The following KCNN2 variants were observed in gnomAD, a reference collection of about 807,000 sequenced individuals.
KCNN2 encodes potassium calcium-activated channel subfamily N member 2.
A neutral mutation model predicts 55.5 loss-of-function variants in KCNN2; 24 were observed. The observed-to-expected ratio is 0.43, with a 90% confidence interval of 0.31 to 0.61. The LOEUF (loss-of-function observed/expected upper bound fraction) is 0.61, where lower values mean the gene tolerates loss of function less well. Among genes scored for constraint, KCNN2 ranks in the 20% least tolerant of loss-of-function variants. KCNN2 has a pLI of 0.08. For missense variants in KCNN2, 754 were observed against 853.6 expected (o/e 0.88, Z 1.45); for synonymous variants, 431 against 336.1 (o/e 1.28, Z -3.09).
chr5:114,204,151 A>T (rs904608165), intron 1 of KCNN2, among the ~76,000 whole-genome samples: 1 of 152,118 alleles, frequency 6.6e-6, no homozygotes, highest in African/African-American at 2.4e-5. Flanking sequence ...GAACTAGAAA[A>T]AATAAAAGTG....
intron 1 of KCNN2, among the ~76,000 whole-genome samples, chr5:114,126,412 A>G (rs1187626577): frequency 6.6e-6 from 1 of 152,112 alleles, no homozygotes; most frequent in Admixed American, 6.5e-5. Context: ...ATATGGCAGC[A>G]GCAAGCAGAA....
intron 1 of KCNN2, among the ~76,000 whole-genome samples, chr5:114,182,038 A>G (rs1232132152): frequency 2.0e-5 from 3 of 152,064 alleles, no homozygotes; most frequent in African/African-American, 4.8e-5. Context: ...ATTTTTGTGT[A>G]TGTAAGGTGT....
chr5:114,340,362 G>T (rs999043780), intron 2 of KCNN2, among the ~76,000 whole-genome samples: 2 of 152,004 alleles, frequency 1.3e-5, no homozygotes, highest in African/African-American at 4.8e-5. Flanking sequence ...CACTGATTAT[G>T]TGCCAAATGG....
intron 2 of KCNN2, among the ~76,000 whole-genome samples, chr5:114,258,874 C>A (rs1755040476): frequency 6.6e-6 from 1 of 152,198 alleles, no homozygotes; most frequent in African/African-American, 2.4e-5. Context: ...ACTGCAAGAA[C>A]ACTGATGCTC....
intron 5 of KCNN2, among the ~76,000 whole-genome samples, chr5:114,484,358 A>G (rs1436477906): frequency 2.0e-5 from 3 of 152,154 alleles, no homozygotes; most frequent in East Asian, 1.9e-4. Flanking sequence ...AAATTACTTA[A>G]CGGGTACAAT....
intron 1 of KCNN2, among the ~76,000 whole-genome samples, chr5:114,061,955 C>G (rs1240595324): frequency 6.6e-6 from 1 of 152,094 alleles, no homozygotes; most frequent in African/African-American, 2.4e-5. Flanking sequence ...ACTTTATCCT[C>G]CTTAAAAACT....
chr5:114,477,678 T>TATTA (rs1444870177), intron 5 of KCNN2, among the ~76,000 whole-genome samples: 2 of 152,204 alleles, frequency 1.3e-5, no homozygotes, highest in East Asian at 3.8e-4. Context: ...GGAAATATAT[T>TATTA]ATTATTACTG....
chr5:114,142,069 C>T (rs1035337404), intron 1 of KCNN2, among the ~76,000 whole-genome samples: 6 of 152,092 alleles, frequency 3.9e-5, no homozygotes, highest in African/African-American at 1.4e-4. Flanking sequence ...AAATTTCTCC[C>T]ATTCTGTATG....
intron 4 of KCNN2, among the ~76,000 whole-genome samples, chr5:114,464,499 CTGAG>C: frequency 6.6e-6 from 1 of 152,278 alleles, no homozygotes; most frequent in South Asian, 2.1e-4. Context: ...TTGAGGGCCT[CTGAG>C]TGGTGGCCAG....
intron 2 of KCNN2, among the ~76,000 whole-genome samples, chr5:114,368,211 G>A (rs1027538230): frequency 3.3e-5 from 5 of 152,142 alleles, no homozygotes; most frequent in African/African-American, 9.7e-5. Flanking sequence ...ATGGATTTTG[G>A]TGTCTGTGGG....
intron 2 of KCNN2, among the ~76,000 whole-genome samples, chr5:114,403,502 G>A (rs1461185880): frequency 6.6e-6 from 1 of 152,170 alleles, no homozygotes; most frequent in Non-Finnish European, 1.5e-5. Flanking sequence ...AGCATGGCTG[G>A]CATCCCTGGC....
At chr5:114,177,829 G>A (rs1753166552) in intron 1 of KCNN2, among the ~76,000 whole-genome samples, 1 of 152,076 alleles carries the variant, frequency 6.6e-6, no homozygotes, top group South Asian at 2.1e-4. Context: ...TTAAGGAAAA[G>A]AGGAAAGACA....
At chr5:114,246,018 T>C (rs1754742856) in intron 2 of KCNN2, among the ~76,000 whole-genome samples, 1 of 152,102 alleles carries the variant, frequency 6.6e-6, no homozygotes, top group Non-Finnish European at 1.5e-5. Context: ...AGGATAGAAG[T>C]TTTTTCTTGG....
intron 1 of KCNN2, among the ~76,000 whole-genome samples, chr5:114,076,839 A>T (rs762179524): frequency 5.3e-5 from 8 of 151,992 alleles, no homozygotes; most frequent in Non-Finnish European, 8.8e-5. Context: ...GAGTGCAGGC[A>T]CGTGCCAACA....
At chr5:114,119,420 C>G (rs1384428828) in intron 1 of KCNN2, among the ~76,000 whole-genome samples, 1 of 152,116 alleles carries the variant, frequency 6.6e-6, no homozygotes, top group Non-Finnish European at 1.5e-5. Flanking sequence ...TGCTTTAATT[C>G]TTTTTCAAAT....
chr5:114,236,805 C>CAT lies in KCNN2; in HGVS notation c.-185+15248_-185+15249dup, dbSNP rs1006926947. On this transcript the variant is annotated intron_variant, in intron 2 of 10. Transcript: ENST00000512097. The stretch of plus-strand genomic sequence containing the variant: ...TATATTACCTGTGTACATGTACACA[C>CAT]ATATATATACACATACTTGCTTTAT... Among the ~76,000 whole-genome samples the CAT allele has an allele frequency of 7.2e-5, 11 of 151,980 alleles. No individual in the cohort carries two copies. The South Asian group carries it at 8.3e-4, about 11-fold the overall frequency.
intron 1 of KCNN2, among the ~76,000 whole-genome samples, chr5:114,176,930 C>T (rs1472929371): frequency 6.6e-6 from 1 of 151,946 alleles, no homozygotes; most frequent in Non-Finnish European, 1.5e-5. Flanking sequence ...CAGTGTGCAA[C>T]CTCTTCTTTA....
intron 1 of KCNN2, among the ~76,000 whole-genome samples, chr5:114,218,442 G>T (rs1465497491): frequency 6.6e-6 from 1 of 152,298 alleles, no homozygotes; most frequent in Middle Eastern, 3.4e-3. Flanking sequence ...ATGAAAGGAG[G>T]TGGAGAAAAC....
chr5:114,310,133 C>T (rs1218406376), intron 2 of KCNN2, among the ~76,000 whole-genome samples: 2 of 152,168 alleles, frequency 1.3e-5, no homozygotes, highest in East Asian at 1.9e-4. Flanking sequence ...ATTCTCTTCA[C>T]CTTGTGAGAT....
Sources: allele counts gnomAD v4.1 joint callset (sites outside exome capture counted in the v4.1 genomes callset), GRCh38; gene constraint gnomAD v4.1.1; transcripts MANE v1.5; gene names NCBI Gene and HGNC (gene_info 2026-07-23, HGNC 2026-07-21).